Variants in MICU1 observed in about 807,000 individuals in gnomAD.
MICU1 encodes the protein mitochondrial calcium uptake 1, also known as calcium uptake protein 1, mitochondrial.
Under a neutral mutation model 56.8 loss-of-function variants are expected in MICU1, and 45 were observed. The ratio of observed to expected loss-of-function variants is 0.79; its 90% CI spans 0.62 to 1.02. MICU1 has a LOEUF of 1.02. Among genes scored for constraint, MICU1 ranks in the 50% least tolerant of loss-of-function variants. The probability of loss-of-function intolerance (pLI) is 0.00; values close to 1 mark genes in which losing one functional copy is unlikely to be tolerated. For missense variants in MICU1, 504 were observed against 587.1 expected, an observed-to-expected ratio of 0.86 and a Z score of 1.46; for synonymous variants, 186 against 195.1, an observed-to-expected ratio of 0.95 and a Z score of 0.39.
chr10:72,398,959 C>T (rs1589171222), intron 10 of MICU1, among the ~76,000 whole-genome samples: 1 of 152,158 alleles, frequency 6.6e-6, no homozygotes, highest in East Asian at 1.9e-4. Flanking sequence ...CAACATCACC[C>T]TGATACCAAA....
intron 9 of MICU1, among the ~76,000 whole-genome samples, chr10:72,419,208 A>C (rs1004353302): frequency 2.6e-5 from 4 of 152,260 alleles, no homozygotes; most frequent in Non-Finnish European, 5.9e-5. Context: ...TGGTCTAAAT[A>C]AACGAGCATG....
intron 1 of MICU1, among the ~76,000 whole-genome samples, chr10:72,575,772 TC>T (rs1302487441): frequency 6.6e-6 from 1 of 152,132 alleles, no homozygotes; most frequent in Non-Finnish European, 1.5e-5. Flanking sequence ...ACCCGTCATT[TC>T]CCCGTCTCTC....
intron 6 of MICU1, among the ~76,000 whole-genome samples, chr10:72,497,795 T>C (rs1175010243): frequency 6.6e-6 from 1 of 152,192 alleles, no homozygotes; most frequent in Non-Finnish European, 1.5e-5. Flanking sequence ...TAGTGATAGA[T>C]GGGTGCCTGG....
intron 6 of MICU1, among the ~76,000 whole-genome samples, chr10:72,480,713 T>C (rs1866267981): frequency 6.6e-6 from 1 of 152,226 alleles, no homozygotes; most frequent in African/African-American, 2.4e-5. Context: ...AGTATCCCCA[T>C]TCCCTCTCTC....
At chr10:72,445,926 T>G (rs1865090346) in intron 8 of MICU1, among the ~76,000 whole-genome samples, 1 of 152,188 alleles carries the variant, frequency 6.6e-6, no homozygotes, top group African/African-American at 2.4e-5. Flanking sequence ...TTGTCCTAAT[T>G]CATCTTTCCT....
intron 10 of MICU1, chr10:72,379,617 G>T: frequency 2.5e-6 from 1 of 406,328 alleles, no homozygotes; most frequent in Non-Finnish European, 4.9e-6. Flanking sequence ...TAATACTCAA[G>T]GATGTCAGTG....
chr10:72,545,906 G>A (rs780698406), intron 4 of MICU1, among the ~76,000 whole-genome samples: 4 of 152,230 alleles, frequency 2.6e-5, no homozygotes, highest in Non-Finnish European at 5.9e-5. Context: ...AGGCTGGAAT[G>A]TGGTATCTTC....
intron 1 of MICU1, among the ~76,000 whole-genome samples, chr10:72,592,071 C>G (rs7918200): frequency 6.6e-6 from 1 of 150,662 alleles, no homozygotes; most frequent in South Asian, 2.1e-4. Flanking sequence ...ATGCAGTGGC[C>G]CGATCCTGGC....
At position 72,475,128 on chromosome 10, in the gene MICU1, T is replaced by A. The variant is rs1332380884; in HGVS notation, c.905A>T (p.Lys302Ile). 6.2e-7 allele frequency: 1 copy of A among 1,610,800 alleles called. No individual in the cohort carries two copies. The highest frequency in any genetic ancestry group is 8.5e-7 in the Non-Finnish European group (1 of 1,178,454). ...AAGCTTCAGAACATCATGCTGCAGTTTACGCTGAAATTCGAGGAAGTTTTT... is the reference window on the plus strand; with the variant it reads ...AAGCTTCAGAACATCATGCTGCAGTATACGCTGAAATTCGAGGAAGTTTTT... ...TIKNFLEFQR[K>I]LQHDVLKLEF... Residue 302 changes from lysine (K) to isoleucine (I), a missense_variant, in exon 8 of 12, where the codon AAA becomes ATA. Coordinates refer to ENST00000361114, the MANE Select transcript of MICU1 (RefSeq NM_001195518.2).
intron 5 of MICU1, among the ~76,000 whole-genome samples, chr10:72,516,930 T>TTC (rs905715762): frequency 6.6e-6 from 1 of 152,208 alleles, no homozygotes; most frequent in Non-Finnish European, 1.5e-5. Context: ...CATGCTCTTG[T>TTC]TAAAGAGTGG....
intron 11 of MICU1, among the ~76,000 whole-genome samples, chr10:72,374,772 T>G (rs1313270478): frequency 6.6e-6 from 1 of 151,760 alleles, no homozygotes; most frequent in Non-Finnish European, 1.5e-5. Flanking sequence ...GCAGTACAGT[T>G]TTAGTTCAAA....
In MICU1 at chr10:72,562,244, C is replaced by T. The variant is rs551441742; in HGVS notation, c.330+651G>A. ...TCTCAGCTCACTGCAACCTCCACCT[C>T]CCGGGTTCAAGCAATTCTCCTGACT... On this transcript the variant is annotated intron_variant, in intron 3 of 11. Transcript: ENST00000361114. 5.3e-5 allele frequency among the ~76,000 whole-genome samples: 8 copies of T among 151,006 alleles called. No individual in the cohort carries two copies. In the East Asian group the frequency reaches 1.6e-3, roughly 29 times the overall value.
chr10:72,403,288 G>A (rs1281762321), intron 10 of MICU1, among the ~76,000 whole-genome samples: 1 of 152,004 alleles, frequency 6.6e-6, no homozygotes, highest in South Asian at 2.1e-4. Flanking sequence ...AATCTGGGAG[G>A]TGGGGGTTGC....
At chr10:72,465,731 C>G (rs759642620) in intron 8 of MICU1, among the ~76,000 whole-genome samples, 2 of 151,866 alleles carry the variant, frequency 1.3e-5, no homozygotes, top group Non-Finnish European at 2.9e-5. Context: ...CCATGCTGGT[C>G]TCAAACTCCT....
At chr10:72,484,502 C>T (rs1341381667) in intron 6 of MICU1, among the ~76,000 whole-genome samples, 3 of 152,040 alleles carry the variant, frequency 2.0e-5, no homozygotes, top group Non-Finnish European at 4.4e-5. Context: ...CTCCACAACA[C>T]TTGAAAACTA....
chr10:72,451,780 G>C (rs1865307458), intron 8 of MICU1, among the ~76,000 whole-genome samples: 1 of 151,544 alleles, frequency 6.6e-6, no homozygotes, highest in Admixed American at 6.6e-5. Context: ...TGGCTTCAAG[G>C]AATCCTCCTG....
chr10:72,413,354 T>A (rs1306890121), intron 9 of MICU1, among the ~76,000 whole-genome samples: 1 of 152,178 alleles, frequency 6.6e-6, no homozygotes, highest in Non-Finnish European at 1.5e-5. Context: ...CATCAAAATT[T>A]AAAAAATTTG....
chr10:72,448,189 A>ATC (rs1250710380), intron 8 of MICU1, among the ~76,000 whole-genome samples: 1 of 55,316 alleles, frequency 1.8e-5, no homozygotes, highest in African/African-American at 5.5e-5. Context: ...ATATATATAT[A>ATC]TATATTTTTT....
intron 10 of MICU1, among the ~76,000 whole-genome samples, chr10:72,399,424 C>T (rs1863375678): frequency 6.6e-6 from 1 of 152,070 alleles, no homozygotes; most frequent in South Asian, 2.1e-4. Context: ...CTCAAACCTG[C>T]ACGTTGTGCA....
Sources: gnomAD v4.1 joint callset for allele counts (sites outside exome capture counted in the v4.1 genomes callset) on GRCh38, gnomAD v4.1.1 for gene constraint, MANE v1.5 for transcripts, NCBI Gene and HGNC (gene_info 2026-07-23, HGNC 2026-07-21) for gene names.